Variants in GNG4 observed in about 807,000 individuals in gnomAD.
GNG4 encodes G protein subunit gamma 4.
GNG4 carries 4 observed loss-of-function variants against 5.8 expected under a neutral mutation model. The observed-to-expected ratio is 0.69, with a 90% CI of 0.34 to 1.57. The LOEUF (loss-of-function observed/expected upper bound fraction) is 1.57, where lower values mean the gene tolerates loss of function less well. Among genes scored for constraint, GNG4 ranks in the 40% most tolerant of loss-of-function variants. The probability of loss-of-function intolerance (pLI) is 0.06; values close to 1 mark genes in which losing one functional copy is unlikely to be tolerated. For missense variants in GNG4, 96 were observed against 95.1 expected, an observed-to-expected ratio of 1.01 and a Z score of -0.04; for synonymous variants, 29 against 32.9, an observed-to-expected ratio of 0.88 and a Z score of 0.41.
intron 1 of GNG4, among the ~76,000 whole-genome samples, chr1:235,627,468 G>T (rs972728528): frequency 2.0e-5 from 3 of 151,802 alleles, no homozygotes; most frequent in East Asian, 3.9e-4. Context: ...TAATCTGCCC[G>T]CCTCGGCTTC....
In GNG4 at chr1:235,549,763, T is replaced by C. The variant is rs1011103439; in HGVS notation, c.*2346A>G. 2.0e-5 allele frequency: 3 copies of C among 152,254 alleles called. No individual in the cohort carries two copies. The highest frequency in any genetic ancestry group is 7.2e-5 in the African/African-American group (3 of 41,462). 9.4% of individuals were successfully genotyped at this position (152,254 alleles called of 1,614,324 possible). On this transcript the variant is annotated 3_prime_UTR_variant, in exon 4 of 4. Transcript: ENST00000391854. ...ATTTACGAGGGCAGCAAGTCATTAA[T>C]TGGTCTGGAAATTACATTTGCCTCT...
chr1:235,635,745 T>C (rs367855900), intron 1 of GNG4, among the ~76,000 whole-genome samples: 18 of 152,294 alleles, frequency 1.2e-4, no homozygotes, highest in Admixed American at 3.3e-4. Context: ...CCACAGAAGA[T>C]ACAACACGAC....
intron 1 of GNG4, among the ~76,000 whole-genome samples, chr1:235,611,865 A>T (rs10926245): frequency 8.8e-4 from 133 of 151,612 alleles, no homozygotes; most frequent in African/African-American, 3.2e-3. Context: ...GAGTTCAAGA[A>T]CAGCCGAGGC....
At chr1:235,591,219 G>A (rs2774318) in intron 2 of GNG4, among the ~76,000 whole-genome samples, 70,875 of 151,904 alleles carry the variant, frequency 0.47, 17,546 homozygotes, top group East Asian at 0.85. Context: ...CACTGCTCCT[G>A]GCTCATTACC....
intron 1 of GNG4, among the ~76,000 whole-genome samples, chr1:235,627,803 G>C (rs1420510635): frequency 1.3e-5 from 2 of 152,172 alleles, no homozygotes; most frequent in African/African-American, 2.4e-5. Flanking sequence ...AGGATCCTTA[G>C]TTTCAACCAT....
chr1:235,581,634 C>CAG (rs1284358806), intron 3 of GNG4, among the ~76,000 whole-genome samples: 1 of 151,924 alleles, frequency 6.6e-6, no homozygotes, highest in Non-Finnish European at 1.5e-5. Context: ...CTGAGGCCTC[C>CAG]GCACCCTCCG....
Position 235,552,167 on chromosome 1 carries a change from G to A in GNG4, c.170C>T (p.Pro57Leu), listed in dbSNP as rs758046412. The A allele has an allele frequency of 6.2e-7, 1 of 1,613,718 alleles. No homozygotes were observed. The highest frequency in any genetic ancestry group is 1.1e-5 in the South Asian group (1 of 91,076). ...AAAGGGGTTTTCTGATGCAGGCACT[G>A]GAATGATGAGAGGATCTTCCCGCAC... ...AHVREDPLII[P>L]VPASENPFRE... The change falls in exon 4 of 4, where the codon CCA (proline) becomes CTA (leucine). Residue 57 changes from proline (P) to leucine (L), a missense_variant. Transcript: ENST00000391854.
intron 1 of GNG4, among the ~76,000 whole-genome samples, chr1:235,643,599 G>A (rs1438896241): frequency 6.6e-6 from 1 of 152,198 alleles, no homozygotes; most frequent in African/African-American, 2.4e-5. Context: ...CAAATGCAAG[G>A]TTCACATGCA....
In GNG4 at chr1:235,649,555, C is replaced by A. The variant is rs1346008709; in HGVS notation, c.-123+107G>T. ...AGGACCACACCGGCGCCAGAGCCGT[C>A]TCCCTAGGTCCGGAGACTTTCACCC... On this transcript the variant is annotated intron_variant, in intron 1 of 3. Coordinates refer to ENST00000391854, the MANE Select transcript of GNG4 (RefSeq NM_001098722.2). This position sits in a 1 kb window ranked among gnomAD's most constrained non-coding sequence, Gnocchi z 5.7. The A allele has an allele frequency of 6.6e-6, 1 of 152,230 alleles. No homozygotes were observed. Among genetic ancestry groups the A allele is most frequent in the Non-Finnish European group, 1.5e-5 (1 of 68,064 alleles). The allele number at this position is 152,230 out of a possible 1,614,324, so 9.4% of individuals were successfully genotyped here. A position where few individuals can be genotyped will look rare whatever the true frequency, so the allele number is the denominator to read the frequency against.
intron 2 of GNG4, among the ~76,000 whole-genome samples, chr1:235,587,919 A>C (rs200519669): frequency 1.1e-4 from 17 of 150,016 alleles, no homozygotes; most frequent in African/African-American, 3.2e-4. Flanking sequence ...TGTGGGTATA[A>C]GTGTGAGTCC....
At chr1:235,618,391 G>A (rs979383047) in intron 1 of GNG4, among the ~76,000 whole-genome samples, 1 of 152,188 alleles carries the variant, frequency 6.6e-6, no homozygotes. Flanking sequence ...CTGTAAAACC[G>A]TGGGCCAGCC....
chr1:235,566,155 T>C (rs1015266625), intron 3 of GNG4: 2 of 152,262 alleles, frequency 1.3e-5, no homozygotes, highest in Non-Finnish European at 2.9e-5. Flanking sequence ...CTCACACTGA[T>C]GTCTCCATGG....
chr1:235,608,793 C>T (rs1688417506), intron 1 of GNG4, among the ~76,000 whole-genome samples: 1 of 151,828 alleles, frequency 6.6e-6, no homozygotes, highest in Non-Finnish European at 1.5e-5. Flanking sequence ...AAGTAATCCT[C>T]CTGCCTCAGC....
chr1:235,593,986 C>T (rs1688061182), intron 2 of GNG4, among the ~76,000 whole-genome samples: 2 of 152,166 alleles, frequency 1.3e-5, no homozygotes, highest in African/African-American at 4.8e-5. Context: ...TCTGGCCCCA[C>T]CTACATCCTG....
intron 3 of GNG4, among the ~76,000 whole-genome samples, chr1:235,558,323 G>T (rs1686971307): frequency 2.0e-5 from 3 of 152,214 alleles, no homozygotes; most frequent in Admixed American, 6.5e-5. Flanking sequence ...AGTCAAGGGA[G>T]TTTTCCACCT....
At chr1:235,624,162 G>C (rs1688763104) in intron 1 of GNG4, among the ~76,000 whole-genome samples, 1 of 151,554 alleles carries the variant, frequency 6.6e-6, no homozygotes, top group Non-Finnish European at 1.5e-5. Context: ...GAGTGCAGTG[G>C]CGTGATCTTG....
In GNG4 at chr1:235,586,585, A is replaced by G. The variant is rs373115278; in HGVS notation, c.-10-2737T>C. Among the ~76,000 whole-genome samples, 3 of 152,202 alleles carry G rather than the reference A, an allele frequency of 2.0e-5. No individual in the cohort carries two copies. In the South Asian group the frequency reaches 6.2e-4, roughly 32 times the overall value. ...GGGTCCTGGTGGGAGGTACTGGATC[A>G]CGGGGCCAGATCAGTCAGGAAGGGC... is the stretch of plus-strand genomic sequence containing the variant. On this transcript the variant is annotated intron_variant, in intron 2 of 3. Coordinates refer to ENST00000391854, the MANE Select transcript of GNG4 (RefSeq NM_001098722.2).
rs1349660991 is a variant in GNG4 at position 235,642,081 on chromosome 1, A to C, written c.-123+7581T>G. On this transcript the variant is annotated intron_variant, in intron 1 of 3. Coordinates refer to ENST00000391854, the MANE Select transcript of GNG4 (RefSeq NM_001098722.2). This position sits in a 1 kb window ranked among gnomAD's most constrained non-coding sequence, Gnocchi z 4.3. ...GAGCTTCCAACGTACAGTGCGGAAA[A>C]GCAACATAACACACTAAGAACCGTG... 6.6e-6 allele frequency among the ~76,000 whole-genome samples: 1 copy of C among 152,198 alleles called. No individual in the cohort carries two copies. The highest frequency in any genetic ancestry group is 1.9e-4 in the East Asian group (1 of 5,204).
intron 1 of GNG4, among the ~76,000 whole-genome samples, chr1:235,627,559 G>T (rs945271764): frequency 2.0e-5 from 3 of 152,124 alleles, no homozygotes; most frequent in Non-Finnish European, 4.4e-5. Flanking sequence ...GTGAGTGAAG[G>T]GTTTGGAAAA....
Sources: gnomAD v4.1 joint callset for allele counts (sites outside exome capture counted in the v4.1 genomes callset) on GRCh38, gnomAD v4.1.1 for gene constraint, Gnocchi (gnomAD v3.1) non-coding constraint, MANE v1.5 for transcripts, NCBI Gene and HGNC (gene_info 2026-07-23, HGNC 2026-07-21) for gene names.